The following CNTN4 variants were observed in gnomAD, a reference collection of about 807,000 sequenced individuals.
CNTN4 encodes contactin 4, also known as contactin-4.
CNTN4 carries 77 observed loss-of-function variants against 122.5 expected under a neutral mutation model. The ratio of observed to expected loss-of-function variants is 0.63; its 90% CI spans 0.52 to 0.76. The LOEUF (loss-of-function observed/expected upper bound fraction) is 0.76. CNTN4 is among the 30% of genes least tolerant of loss of function. CNTN4 has a pLI of 0.00. For missense variants in CNTN4, 1,256 were observed against 1,259.1 expected (o/e 1.00, Z 0.04); for synonymous variants, 512 against 447.0 (o/e 1.15, Z -1.83).
chr3:2,425,661 C>A (rs181355593), intron 3 of CNTN4, among the ~76,000 whole-genome samples: 112 of 152,210 alleles, frequency 7.4e-4, no homozygotes, highest in African/African-American at 2.4e-3. Flanking sequence ...TTACCTTGGG[C>A]AGTATGGCCA....
chr3:3,030,046 T>C (rs1382183812), intron 15 of CNTN4, among the ~76,000 whole-genome samples: 1 of 152,158 alleles, frequency 6.6e-6, no homozygotes, highest in Non-Finnish European at 1.5e-5. Context: ...ATCTGGCCTC[T>C]AGGGTGGTCT....
chr3:2,909,748 A>T (rs901995012), intron 12 of CNTN4, among the ~76,000 whole-genome samples: 1 of 152,210 alleles, frequency 6.6e-6, no homozygotes, highest in African/African-American at 2.4e-5. Flanking sequence ...CATCACAGTA[A>T]TCTAGAGGAC....
chr3:2,115,634 T>G (rs1438513881), intron 2 of CNTN4, among the ~76,000 whole-genome samples: 1 of 152,242 alleles, frequency 6.6e-6, no homozygotes, highest in African/African-American at 2.4e-5. Flanking sequence ...TTCTGCAGAA[T>G]GCAGAAAGGT....
At chr3:2,830,691 G>A (rs766951675) in intron 7 of CNTN4, among the ~76,000 whole-genome samples, 3 of 152,150 alleles carry the variant, frequency 2.0e-5, no homozygotes, top group African/African-American at 2.4e-5. Context: ...ATAATCCAGT[G>A]GACATTCACT....
At chr3:2,234,449 A>G (rs1575138731) in intron 2 of CNTN4, among the ~76,000 whole-genome samples, 1 of 150,296 alleles carries the variant, frequency 6.7e-6, no homozygotes, top group African/African-American at 2.4e-5. Flanking sequence ...TTGTGGAGTT[A>G]GTCTCTGCTC....
chr3:3,037,401 G>C (rs1699706361), intron 18 of CNTN4, 73 bp downstream of exon 18: 48 of 1,597,188 alleles, frequency 3.0e-5, no homozygotes, highest in South Asian at 1.2e-4. Context: ...TTGAATTCTT[G>C]CTGCTCTTCA....
chr3:2,764,116 G>C (rs567629600), intron 6 of CNTN4, among the ~76,000 whole-genome samples: 4 of 152,150 alleles, frequency 2.6e-5, no homozygotes, highest in African/African-American at 7.2e-5. Flanking sequence ...ATTTTTCTGA[G>C]TGCCTACTCT....
At chr3:2,294,546 G>A (rs563509943) in intron 2 of CNTN4, among the ~76,000 whole-genome samples, 19 of 152,078 alleles carry the variant, frequency 1.2e-4, no homozygotes, top group Non-Finnish European at 1.3e-4. Flanking sequence ...TGGGAGGATC[G>A]CTTGAGCCTG....
chr3:2,568,560 C>T (rs1483248257), intron 3 of CNTN4, among the ~76,000 whole-genome samples: 1 of 152,110 alleles, frequency 6.6e-6, no homozygotes, highest in Non-Finnish European at 1.5e-5. Context: ...CACCATAACT[C>T]TTGGCTCATC....
chr3:2,974,881 A>G (rs1364949632), intron 13 of CNTN4, among the ~76,000 whole-genome samples: 1 of 152,216 alleles, frequency 6.6e-6, no homozygotes. Flanking sequence ...AAGAGTTGCA[A>G]ATTGGATGCA....
intron 3 of CNTN4, among the ~76,000 whole-genome samples, chr3:2,340,012 C>G (rs1161282248): frequency 1.3e-5 from 2 of 152,178 alleles, no homozygotes; most frequent in Non-Finnish European, 2.9e-5. Flanking sequence ...ACGTGGCTGT[C>G]TCCCCTATGT....
chr3:2,949,175 C>G (rs1302895742), intron 13 of CNTN4, among the ~76,000 whole-genome samples: 5 of 152,092 alleles, frequency 3.3e-5, no homozygotes, highest in Non-Finnish European at 7.4e-5. Flanking sequence ...GAAACACTTT[C>G]TTCCCTGATC....
intron 2 of CNTN4, among the ~76,000 whole-genome samples, chr3:2,316,197 T>C (rs2043092100): frequency 6.6e-6 from 1 of 152,076 alleles, no homozygotes; most frequent in Non-Finnish European, 1.5e-5. Flanking sequence ...AACAGTAGAA[T>C]ATTTGGTGGA....
chr3:2,752,435 G>A (rs776144847), intron 6 of CNTN4, among the ~76,000 whole-genome samples: 2 of 152,066 alleles, frequency 1.3e-5, no homozygotes, highest in African/African-American at 4.8e-5. Flanking sequence ...GCACGATCTC[G>A]GCTCACTGCA....
At chr3:2,532,361 C>T (rs2077628198) in intron 3 of CNTN4, among the ~76,000 whole-genome samples, 1 of 151,996 alleles carries the variant, frequency 6.6e-6, no homozygotes, top group South Asian at 2.1e-4. Context: ...CTCAGGTGGA[C>T]CTCCTCCCTC....
chr3:2,688,111 G>C (rs2085531844), intron 4 of CNTN4, among the ~76,000 whole-genome samples: 1 of 152,172 alleles, frequency 6.6e-6, no homozygotes, highest in African/African-American at 2.4e-5. Context: ...TAACTACTTT[G>C]ATAACTTATT....
In CNTN4 at chr3:2,754,960, C is replaced by G. The variant is rs113843936; in HGVS notation, c.358+9263C>G. ...TACAGCGAGCCTTAATCTGAGTTCT[C>G]TTTAACTGGGGCACACTCTGACAAC... On this transcript the variant is annotated intron_variant, in intron 6 of 24. Transcript: ENST00000418658. 3.3e-3 allele frequency among the ~76,000 whole-genome samples: 495 copies of G among 152,100 alleles called. 5 individuals carry two copies. The highest frequency in any genetic ancestry group is 0.011 in the African/African-American group (471 of 41,518).
chr3:3,017,831 T>C (rs1234304771), intron 14 of CNTN4, among the ~76,000 whole-genome samples: 2 of 152,188 alleles, frequency 1.3e-5, no homozygotes, highest in Non-Finnish European at 2.9e-5. Flanking sequence ...TCTGCCACCA[T>C]AAGAGACAAT....
At chr3:2,168,459 TGA>T (rs148711901) in intron 2 of CNTN4, among the ~76,000 whole-genome samples, 2,190 of 152,218 alleles carry the variant, frequency 0.014, 44 homozygotes, top group African/African-American at 0.048. Context: ...AGATGTTTAC[TGA>T]GAGAGATTTT....
Sources: gnomAD v4.1 joint callset for allele counts (sites outside exome capture counted in the v4.1 genomes callset) on GRCh38, gnomAD v4.1.1 for gene constraint, MANE v1.5 for transcripts, NCBI Gene and HGNC (gene_info 2026-07-23, HGNC 2026-07-21) for gene names.